Variants in PDZRN4 observed in about 807,000 individuals in gnomAD.
PDZRN4 encodes PDZ domain containing ring finger 4.
Under a neutral mutation model 99.0 loss-of-function variants are expected in PDZRN4, and 70 were observed. The observed-to-expected ratio is 0.71, with a 90% CI of 0.58 to 0.86. The LOEUF is 0.86. PDZRN4 is among the 40% of genes least tolerant of loss of function. The pLI is 0.00. For synonymous variants in PDZRN4, 551 were observed against 501.6 expected (o/e 1.10, Z -1.32); for missense variants, 1,474 against 1,331.2 (o/e 1.11, Z -1.67).
chr12:41,333,563 A>G (rs1041606795), intron 3 of PDZRN4, among the ~76,000 whole-genome samples: 3 of 152,112 alleles, frequency 2.0e-5, no homozygotes, highest in East Asian at 3.9e-4. Flanking sequence ...CTCCTGTCCA[A>G]TCTTCAGCTA....
rs1177699767 is a variant in PDZRN4, at chr12:41,188,557, G to C, written c.102G>C (p.Gly34=). ...VLEEPLCTPC[G]HVFCASCLLP... ...AAGAGCCCCTGTGCACGCCGTGCGG[G>C]CACGTCTTCTGCGCCAGCTGCCTGT... is the stretch of plus-strand genomic sequence containing the variant. Residue 34 remains glycine (G), a synonymous_variant, in exon 1 of 10, where the codon GGG becomes GGC. Transcript: ENST00000402685. 2 of 1,557,008 alleles carry C rather than the reference G, an allele frequency of 1.3e-6. No individual in the cohort carries two copies. Among genetic ancestry groups the C allele is most frequent in the East Asian group, 2.4e-5 (1 of 42,126 alleles).
At chr12:41,244,667 CTTTTTT>C (rs750126673) in intron 3 of PDZRN4, among the ~76,000 whole-genome samples, 3 of 112,998 alleles carry the variant, frequency 2.7e-5, no homozygotes, top group Non-Finnish European at 3.5e-5. Context: ...ACACCAATGT[CTTTTTT>C]TTTTTTTTTT....
At chr12:41,512,909 G>A (rs1321558743) in intron 5 of PDZRN4, among the ~76,000 whole-genome samples, 1 of 152,026 alleles carries the variant, frequency 6.6e-6, no homozygotes, top group Non-Finnish European at 1.5e-5. Flanking sequence ...ACACCTTTTG[G>A]CATCCACCAG....
intron 5 of PDZRN4, among the ~76,000 whole-genome samples, chr12:41,512,707 G>C (rs553195243): frequency 2.6e-5 from 4 of 152,238 alleles, no homozygotes; most frequent in African/African-American, 9.6e-5. Flanking sequence ...TGACAGGAAG[G>C]AAGCAAAGTC....
intron 3 of PDZRN4, among the ~76,000 whole-genome samples, chr12:41,455,001 A>C (rs1342792054): frequency 6.6e-6 from 1 of 152,250 alleles, no homozygotes; most frequent in East Asian, 1.9e-4. Flanking sequence ...TTTAAATTTC[A>C]GTTGCCACAT....
intron 3 of PDZRN4, among the ~76,000 whole-genome samples, chr12:41,498,439 C>T (rs144131601): frequency 6.6e-6 from 1 of 152,076 alleles, no homozygotes; most frequent in Non-Finnish European, 1.5e-5. Flanking sequence ...TATCAAGGTG[C>T]CAGCATCTGG....
chr12:41,423,130 CT>C (rs1442705383), intron 3 of PDZRN4, among the ~76,000 whole-genome samples: 3 of 151,726 alleles, frequency 2.0e-5, no homozygotes, highest in African/African-American at 7.3e-5. Context: ...TTAGATAAAT[CT>C]TTTTTTATTT....
Position 41,275,821 on chromosome 12 carries a change from C to T in PDZRN4, c.843+81633C>T, listed in dbSNP as rs577116162. Reference sequence around the variant, plus strand: ...TCAGTGATGAGTATAAAGCATTTCACTTTTTAAAATAAAAATGGAGACTCA... The same window carrying T: ...TCAGTGATGAGTATAAAGCATTTCATTTTTTAAAATAAAAATGGAGACTCA... On this transcript the variant is annotated intron_variant, in intron 3 of 9. Coordinates refer to ENST00000402685, the MANE Select transcript of PDZRN4 (RefSeq NM_001164595.2). Among the ~76,000 whole-genome samples the T allele has an allele frequency of 9.7e-4, 147 of 152,074 alleles. 1 individual carries two copies. Among genetic ancestry groups the T allele is most frequent in the African/African-American group, 3.4e-3 (143 of 41,504 alleles).
chr12:41,440,889 T>G (rs1046302143), intron 3 of PDZRN4, among the ~76,000 whole-genome samples: 3 of 152,178 alleles, frequency 2.0e-5, no homozygotes, highest in African/African-American at 7.2e-5. Flanking sequence ...TGACACAAAC[T>G]GAACTGCCTG....
chr12:41,256,703 CTT>C (rs1470231003), intron 3 of PDZRN4, among the ~76,000 whole-genome samples: 5 of 152,158 alleles, frequency 3.3e-5, no homozygotes. Context: ...TGTCTCCAGA[CTT>C]TCATATCTAA....
At chr12:41,208,186 A>G (rs564014921) in intron 3 of PDZRN4, among the ~76,000 whole-genome samples, 50 of 151,986 alleles carry the variant, frequency 3.3e-4, no homozygotes, top group African/African-American at 1.2e-3. Context: ...CAGGATTCAT[A>G]ATCTATTGGA....
chr12:41,237,215 G>A (rs1269129914), intron 3 of PDZRN4, among the ~76,000 whole-genome samples: 2 of 151,954 alleles, frequency 1.3e-5, no homozygotes, highest in African/African-American at 4.8e-5. Context: ...TTTTCAAATG[G>A]ACAGAGCATA....
chr12:41,206,891 C>T (rs149357624), intron 3 of PDZRN4, among the ~76,000 whole-genome samples: 1 of 151,976 alleles, frequency 6.6e-6, no homozygotes, highest in African/African-American at 2.4e-5. Context: ...TCTTGGCATG[C>T]TCAATTTTTA....
intron 3 of PDZRN4, among the ~76,000 whole-genome samples, chr12:41,246,511 T>G (rs980792614): frequency 2.0e-5 from 3 of 152,234 alleles, no homozygotes; most frequent in African/African-American, 7.2e-5. Context: ...GTTTGCAGTT[T>G]GTTGCCCTGT....
At chr12:41,387,582 A>T (rs1364477414) in intron 3 of PDZRN4, among the ~76,000 whole-genome samples, 1 of 152,166 alleles carries the variant, frequency 6.6e-6, no homozygotes, top group Non-Finnish European at 1.5e-5. Flanking sequence ...ACAGAGCAAG[A>T]CTCCAACAAC....
intron 3 of PDZRN4, among the ~76,000 whole-genome samples, chr12:41,298,951 G>A (rs987612374): frequency 1.3e-5 from 2 of 152,106 alleles, no homozygotes; most frequent in African/African-American, 4.8e-5. Flanking sequence ...ACAATCTGTT[G>A]TGTGATCACT....
At chr12:41,417,535 C>A (rs117398335) in intron 3 of PDZRN4, among the ~76,000 whole-genome samples, 1 of 152,138 alleles carries the variant, frequency 6.6e-6, no homozygotes, top group Admixed American at 6.5e-5. Context: ...GTATTCAAGA[C>A]GCCAGGAACA....
chr12:41,222,620 G>A (rs1775780204), intron 3 of PDZRN4, among the ~76,000 whole-genome samples: 1 of 152,150 alleles, frequency 6.6e-6, no homozygotes, highest in African/African-American at 2.4e-5. Flanking sequence ...CCGGGTTGAA[G>A]TGATTCTCCT....
chr12:41,311,299 C>T (rs1268356793), intron 3 of PDZRN4, among the ~76,000 whole-genome samples: 6 of 151,530 alleles, frequency 4.0e-5, no homozygotes, highest in Non-Finnish European at 5.9e-5. Context: ...AAAAAATCCC[C>T]GTTAAAGTCT....
Sources: allele counts gnomAD v4.1 joint callset (sites outside exome capture counted in the v4.1 genomes callset), GRCh38; gene constraint gnomAD v4.1.1; transcripts MANE v1.5; gene names NCBI Gene and HGNC (gene_info 2026-07-23, HGNC 2026-07-21).